Variants in APBB1IP observed in about 807,000 individuals in gnomAD.
The protein encoded by APBB1IP is amyloid beta precursor protein binding family B member 1 interacting protein.
A neutral mutation model predicts 64.9 loss-of-function variants in APBB1IP; 27 were observed. The ratio of observed to expected loss-of-function variants is 0.42; its 90% CI spans 0.31 to 0.57. APBB1IP has a LOEUF of 0.57. APBB1IP is among the 20% of genes least tolerant of loss of function. The pLI, the probability that APBB1IP is intolerant of heterozygous loss-of-function variation, is 0.20. For missense variants in APBB1IP, 812 were observed against 845.5 expected, an observed-to-expected ratio of 0.96 and a Z score of 0.49; for synonymous variants, 392 against 331.0, an observed-to-expected ratio of 1.18 and a Z score of -2.00.
At chr10:26,540,951 T>G (rs575607766) in intron 10 of APBB1IP, among the ~76,000 whole-genome samples, 5 of 151,642 alleles carry the variant, frequency 3.3e-5, no homozygotes, top group Non-Finnish European at 7.4e-5. Flanking sequence ...TTTTTTTTAA[T>G]GCTCAATCGC....
intron 11 of APBB1IP, among the ~76,000 whole-genome samples, chr10:26,555,418 G>T (rs1390665703): frequency 6.6e-6 from 1 of 152,036 alleles, no homozygotes; most frequent in Admixed American, 6.6e-5. Flanking sequence ...ACAGCATTCT[G>T]TCGCTTCTTC....
intron 2 of APBB1IP, among the ~76,000 whole-genome samples, chr10:26,477,334 C>A (rs995816138): frequency 1.3e-5 from 2 of 152,170 alleles, no homozygotes; most frequent in African/African-American, 4.8e-5. Context: ...AAAAGTATTT[C>A]TTTGATAAGT....
intron 11 of APBB1IP, among the ~76,000 whole-genome samples, chr10:26,550,432 T>C (rs548826503): frequency 5.6e-4 from 85 of 152,302 alleles, no homozygotes; most frequent in Non-Finnish European, 1.1e-3. Flanking sequence ...TGTAATTTTT[T>C]CTTTATTCCT....
At chr10:26,551,796 A>G (rs1407408098) in intron 11 of APBB1IP, among the ~76,000 whole-genome samples, 1 of 152,204 alleles carries the variant, frequency 6.6e-6, no homozygotes, top group East Asian at 1.9e-4. Flanking sequence ...ATGTCATGAG[A>G]GCAAGGACTT....
intron 2 of APBB1IP, among the ~76,000 whole-genome samples, chr10:26,462,318 T>A (rs745816861): frequency 3.3e-5 from 5 of 152,234 alleles, no homozygotes; most frequent in Non-Finnish European, 7.3e-5. Flanking sequence ...CCCTTTGACT[T>A]GTGTTTTACA....
intron 2 of APBB1IP, among the ~76,000 whole-genome samples, chr10:26,451,349 G>T (rs1299619013): frequency 1.3e-5 from 2 of 152,076 alleles, no homozygotes; most frequent in African/African-American, 4.8e-5. Context: ...TCAGCTTCCC[G>T]AAGTACTGAG....
At position 26,560,653 on chromosome 10, in the gene APBB1IP, T is replaced by C. The variant is rs1326924928; in HGVS notation, c.1255-77T>C. 6.1e-6 allele frequency: 6 copies of C among 986,998 alleles called. No individual in the cohort carries two copies. The African/African-American group carries it at 9.7e-5, about 16-fold the overall frequency. 61.1% of individuals were successfully genotyped at this position (986,998 alleles called of 1,614,324 possible). Reference sequence around the variant, plus strand: ...AGCCGTGGAGTATTTATTTCTTCTGTATATGTATATTGCAATTGAGTGCAG... The same window carrying C: ...AGCCGTGGAGTATTTATTTCTTCTGCATATGTATATTGCAATTGAGTGCAG... On this transcript the variant is annotated intron_variant, in intron 12 of 14. Transcript: ENST00000376236.
intron 8 of APBB1IP, among the ~76,000 whole-genome samples, chr10:26,526,337 A>C (rs559612313): frequency 1.3e-5 from 2 of 152,374 alleles, no homozygotes; most frequent in South Asian, 4.1e-4. Flanking sequence ...AAGTAAGTTC[A>C]TGTAAGATTG....
chr10:26,562,752 G>A (rs1029964486), intron 14 of APBB1IP, among the ~76,000 whole-genome samples: 1 of 152,100 alleles, frequency 6.6e-6, no homozygotes, highest in African/African-American at 2.4e-5. Context: ...ATCTGTGATT[G>A]CGCCACTGCA....
At position 26,567,489 on chromosome 10, in the gene APBB1IP, G is replaced by C. The variant is rs1274557671; in HGVS notation, c.*1G>C. ...AAAGAAGAGAGGCAACGTGTCCTAGGGACGGGCATGATGAGTGTTCCAGAG... is the reference window on the plus strand; with the variant it reads ...AAAGAAGAGAGGCAACGTGTCCTAGCGACGGGCATGATGAGTGTTCCAGAG... On this transcript the variant is annotated 3_prime_UTR_variant, in exon 15 of 15. Coordinates refer to ENST00000376236, the MANE Select transcript of APBB1IP (RefSeq NM_019043.4). The C allele has an allele frequency of 6.4e-7, 1 of 1,566,864 alleles. No individual in the cohort carries two copies. Among genetic ancestry groups the C allele is most frequent in the Admixed American group, 1.7e-5 (1 of 58,362 alleles).
Position 26,536,173 on chromosome 10 carries a change from T to C in APBB1IP, c.1000T>C (p.Leu334=). 1 of 1,609,028 alleles carries C rather than the reference T, an allele frequency of 6.2e-7. No homozygotes were observed. The highest frequency in any genetic ancestry group is 2.2e-5 in the East Asian group (1 of 44,738). ...KKSWKRRYFL[L]RASGIYYVPK... The stretch of plus-strand genomic sequence containing the variant: ...ATCCTGGAAAAGGCGCTATTTTCTT[T>C]TACGGGCTTCTGGAATTTATTATGT... Residue 334 remains leucine (L), a synonymous_variant, in exon 10 of 15, where the codon TTA becomes CTA. Coordinates refer to ENST00000376236, the MANE Select transcript of APBB1IP (RefSeq NM_019043.4).
chr10:26,443,175 A>C (rs527506074), intron 2 of APBB1IP, among the ~76,000 whole-genome samples: 1 of 152,280 alleles, frequency 6.6e-6, no homozygotes, highest in African/African-American at 2.4e-5. Context: ...TAACCCCAGC[A>C]CTTTGGGAGG....
At position 26,545,781 on chromosome 10, in the gene APBB1IP, A is replaced by C. The variant is rs535822716; in HGVS notation, c.1155+4089A>C. Among the ~76,000 whole-genome samples the C allele has an allele frequency of 1.1e-3, 93 of 85,564 alleles. 2 individuals are homozygous for C. Among genetic ancestry groups the C allele is most frequent in the African/African-American group, 5.6e-3 (88 of 15,854 alleles). 56.1% of individuals were successfully genotyped at this position (85,564 alleles called of 152,430 possible). On this transcript the variant is annotated intron_variant, in intron 11 of 14. Coordinates refer to ENST00000376236, the MANE Select transcript of APBB1IP (RefSeq NM_019043.4). Reference sequence around the variant, plus strand: ...TCTCAAAAAAAAAACAAACAAACAAACAAAAAAAAACCACAAAAATTAGCT... The same window carrying C: ...TCTCAAAAAAAAAACAAACAAACAACCAAAAAAAAACCACAAAAATTAGCT...
chr10:26,507,797 G>T (rs1340937096), intron 6 of APBB1IP, among the ~76,000 whole-genome samples: 2 of 152,196 alleles, frequency 1.3e-5, no homozygotes, highest in Admixed American at 1.3e-4. Context: ...GAAGTAAGTT[G>T]TTTCTTAGAT....
At position 26,567,494 on chromosome 10, in the gene APBB1IP, G is replaced by A; in HGVS notation, c.*6G>A. 6.4e-7 allele frequency: 1 copy of A among 1,559,820 alleles called. No individual in the cohort carries two copies. Among genetic ancestry groups the A allele is most frequent in the Non-Finnish European group, 8.7e-7 (1 of 1,144,008 alleles). On this transcript the variant is annotated 3_prime_UTR_variant, in exon 15 of 15. Coordinates refer to ENST00000376236, the MANE Select transcript of APBB1IP (RefSeq NM_019043.4). ...AGAGAGGCAACGTGTCCTAGGGACG[G>A]GCATGATGAGTGTTCCAGAGGGAGA...
intron 2 of APBB1IP, among the ~76,000 whole-genome samples, chr10:26,471,999 T>C (rs1369072297): frequency 6.6e-6 from 1 of 152,138 alleles, no homozygotes; most frequent in Non-Finnish European, 1.5e-5. Context: ...AGCTTATTCA[T>C]GCAAACTTTA....
intron 6 of APBB1IP, among the ~76,000 whole-genome samples, chr10:26,504,730 A>T (rs1033512610): frequency 9.9e-5 from 15 of 152,128 alleles, no homozygotes; most frequent in Admixed American, 2.6e-4. Context: ...ATTAAAAAAA[A>T]AAAGTTAATT....
chr10:26,539,703 T>A (rs1380585971), intron 10 of APBB1IP, among the ~76,000 whole-genome samples: 2 of 152,062 alleles, frequency 1.3e-5, no homozygotes, highest in Admixed American at 6.6e-5. Context: ...AGAGTACATT[T>A]GCAACATGTA....
At chr10:26,504,539 G>C (rs889215026) in intron 6 of APBB1IP, among the ~76,000 whole-genome samples, 1 of 151,998 alleles carries the variant, frequency 6.6e-6, no homozygotes, top group Non-Finnish European at 1.5e-5. Flanking sequence ...GTGAAACCCT[G>C]TCTATACTAA....
Sources: gnomAD v4.1 joint callset for allele counts (sites outside exome capture counted in the v4.1 genomes callset) on GRCh38, gnomAD v4.1.1 for gene constraint, MANE v1.5 for transcripts, NCBI Gene and HGNC (gene_info 2026-07-23, HGNC 2026-07-21) for gene names.